DSTYK: variants seen among roughly 807,000 people sequenced by gnomAD.
DSTYK encodes dual serine/threonine and tyrosine protein kinase.
Under a neutral mutation model 98.7 loss-of-function variants are expected in DSTYK, and 34 were observed. The ratio of observed to expected loss-of-function variants is 0.34; its 90% confidence interval spans 0.26 to 0.46. The LOEUF is 0.46. DSTYK is among the 20% of genes least tolerant of loss of function. The probability of loss-of-function intolerance (pLI) is 1.00; values close to 1 mark genes in which losing one functional copy is unlikely to be tolerated. For missense variants in DSTYK, 962 were observed against 1,181.7 expected (o/e 0.81, Z 2.73); for synonymous variants, 462 against 457.3 (o/e 1.01, Z -0.13).
At chr1:205,202,067 G>T in intron 1 of DSTYK, 1 of 370,726 alleles carries the variant, frequency 2.7e-6, no homozygotes. Flanking sequence ...GGAAACTCGG[G>T]AAGGGGAGAG....
chr1:205,191,386 TG>T (rs1425105608), intron 1 of DSTYK, among the ~76,000 whole-genome samples: 1 of 152,222 alleles, frequency 6.6e-6, no homozygotes, highest in Non-Finnish European at 1.5e-5. Context: ...GAATGCAATA[TG>T]GAAGTGGGAA....
chr1:205,157,508 C>T, intron 9 of DSTYK, 122 bp from the exon 10 acceptor site: 1 of 719,210 alleles, frequency 1.4e-6, no homozygotes, highest in Non-Finnish European at 2.3e-6. Context: ...GGCACAGTGG[C>T]TCATGCCTGT....
In DSTYK at chr1:205,146,498, G is replaced by A. The variant is rs188223731; in HGVS notation, c.*1060C>T. ...ACTCTAAATCCAATAACTCCTGTGTGTATGTCTATATAGATAGAGATATAG... is the reference window on the plus strand; with the variant it reads ...ACTCTAAATCCAATAACTCCTGTGTATATGTCTATATAGATAGAGATATAG... On this transcript the variant is annotated 3_prime_UTR_variant, in exon 13 of 13. Coordinates refer to ENST00000367162, the MANE Select transcript of DSTYK (RefSeq NM_015375.3). 23 of 152,026 alleles carry A rather than the reference G, an allele frequency of 1.5e-4. No individual in the cohort carries two copies. Among genetic ancestry groups the A allele is most frequent in the African/African-American group, 5.1e-4 (21 of 41,466 alleles). 9.4% of individuals were successfully genotyped at this position (152,026 alleles called of 1,614,324 possible).
intron 3 of DSTYK, among the ~76,000 whole-genome samples, 163 bp from the exon 4 acceptor site, chr1:205,164,118 C>T (rs1657816396): frequency 6.6e-6 from 1 of 152,112 alleles, no homozygotes; most frequent in Non-Finnish European, 1.5e-5. Context: ...GATCAGGGGT[C>T]ACGTAACCCT....
chr1:205,186,439 C>T (rs956807627), intron 2 of DSTYK, among the ~76,000 whole-genome samples: 1 of 152,120 alleles, frequency 6.6e-6, no homozygotes, highest in African/African-American at 2.4e-5. Flanking sequence ...CAGGCCATGG[C>T]CACAACCAAA....
intron 10 of DSTYK, among the ~76,000 whole-genome samples, chr1:205,155,240 T>C (rs577822485): frequency 6.6e-6 from 1 of 151,500 alleles, no homozygotes. Context: ...CACCTTGGCC[T>C]CCCAAAGTGC....
chr1:205,205,097 C>T (rs775625796), intron 1 of DSTYK, among the ~76,000 whole-genome samples: 1 of 152,124 alleles, frequency 6.6e-6, no homozygotes, highest in African/African-American at 2.4e-5. Context: ...TAAGGTATTA[C>T]CTTAGAATAG....
At chr1:205,155,287 A>G (rs35077951) in intron 10 of DSTYK, among the ~76,000 whole-genome samples, 1 of 151,622 alleles carries the variant, frequency 6.6e-6, no homozygotes, top group Non-Finnish European at 1.5e-5. Context: ...CCCACCCCGG[A>G]AGAAATTTCT....
intron 2 of DSTYK, among the ~76,000 whole-genome samples, chr1:205,175,102 CTTT>C (rs1338416279): frequency 4.8e-5 from 6 of 125,668 alleles, no homozygotes; most frequent in Non-Finnish European, 1.0e-4. Context: ...AGAAGCTGCC[CTTT>C]TTTTTTTTTT....
chr1:205,190,044 T>C lies in DSTYK; in HGVS notation c.266-2238A>G, dbSNP rs918632907. Among the ~76,000 whole-genome samples, 14 of 152,322 alleles carry C rather than the reference T, an allele frequency of 9.2e-5. No individual in the cohort carries two copies. The East Asian group carries it at 2.5e-3, about 27-fold the overall frequency. On this transcript the variant is annotated intron_variant, in intron 1 of 12. Coordinates refer to ENST00000367162, the MANE Select transcript of DSTYK (RefSeq NM_015375.3). ...TCCTGAGTTCCTTCATACCTTATTCTCAACTGCAGAACACCTACCATGCTT... is the reference window on the plus strand; with the variant it reads ...TCCTGAGTTCCTTCATACCTTATTCCCAACTGCAGAACACCTACCATGCTT...
chr1:205,162,020 T>C lies in DSTYK; in HGVS notation c.1818+16A>G. 6.2e-7 allele frequency: 1 copy of C among 1,609,926 alleles called. No individual in the cohort carries two copies. The highest frequency in any genetic ancestry group is 1.1e-5 in the South Asian group (1 of 90,794). On this transcript the variant is annotated intron_variant, in intron 6 of 12. Coordinates refer to ENST00000367162, the MANE Select transcript of DSTYK (RefSeq NM_015375.3). ...CTCTGCTTGATCCAGCTGTATCTCC[T>C]TTCCTACATACCAACCTGCCGCAAG...
chr1:205,210,687 G>A (rs1005036213), intron 1 of DSTYK, among the ~76,000 whole-genome samples: 8 of 152,154 alleles, frequency 5.3e-5, no homozygotes, highest in African/African-American at 1.9e-4. Flanking sequence ...TGGCAATTCC[G>A]TGGCACCCAT....
At position 205,145,866 on chromosome 1, in the gene DSTYK, T is replaced by C. The variant is rs1657216219; in HGVS notation, c.*1692A>G. The C allele has an allele frequency of 6.6e-6, 1 of 152,362 alleles. No individual in the cohort carries two copies. Among genetic ancestry groups the C allele is most frequent in the Middle Eastern group, 3.4e-3 (1 of 294 alleles). 9.4% of individuals were successfully genotyped at this position (152,362 alleles called of 1,614,324 possible). A position where few individuals can be genotyped will look rare whatever the true frequency, so the allele number is the denominator to read the frequency against. On this transcript the variant is annotated 3_prime_UTR_variant, in exon 13 of 13. Transcript: ENST00000367162. Reference sequence around the variant, plus strand: ...TTCGGAATCTAATGGACCAGTTTGGTTGAGGAAGGCTTGAAGTCAAGTGCA... The same window carrying C: ...TTCGGAATCTAATGGACCAGTTTGGCTGAGGAAGGCTTGAAGTCAAGTGCA...
intron 2 of DSTYK, among the ~76,000 whole-genome samples, chr1:205,186,845 C>A (rs769050603): frequency 3.3e-5 from 5 of 152,206 alleles, no homozygotes; most frequent in Non-Finnish European, 5.9e-5. Flanking sequence ...ATAACAGGAT[C>A]TCCGCGTCTC....
rs1553361152 is a variant in DSTYK, at chr1:205,159,644, T to C, written c.2141A>G (p.His714Arg). 4 of 1,613,652 alleles carry C rather than the reference T, an allele frequency of 2.5e-6. No individual in the cohort carries two copies. The highest frequency in any genetic ancestry group is 2.2e-5 in the South Asian group (2 of 91,058). Residue 714 changes from histidine (H) to arginine (R), a missense_variant, in exon 9 of 13, where the codon CAT becomes CGT. His to Arg is a conservative substitution (Grantham distance 29, BLOSUM62 0). Coordinates refer to ENST00000367162, the MANE Select transcript of DSTYK (RefSeq NM_015375.3). ...ATAGTTGTAGTCAATGACTGAACCA[T>C]GGAGATCCACCAATCGCTCATGCTT... ...LPKHERLVDL[H>R]GSVIDYNYGG...
rs3851295 is a variant in DSTYK at position 205,150,853 on chromosome 1, C to T, written c.2353-59G>A. ...TCTGATCCTGCACACAGCACTGCTGCGTACCTAAGCTCAAAGGTAGGTACC... is the reference window on the plus strand; with the variant it reads ...TCTGATCCTGCACACAGCACTGCTGTGTACCTAAGCTCAAAGGTAGGTACC... On this transcript the variant is annotated intron_variant, in intron 10 of 12. Transcript: ENST00000367162. The surrounding 1 kb of genome is among the most constrained non-coding windows in gnomAD (Gnocchi z 4.1). The T allele has an allele frequency of 0.2, 259,408 of 1,323,296 alleles. 29,225 individuals carry two copies. The highest frequency in any genetic ancestry group is 0.44 in the East Asian group (19,198 of 43,434). 82.0% of individuals were successfully genotyped at this position (1,323,296 alleles called of 1,614,324 possible).
Position 205,170,253 on chromosome 1 carries a change from C to A in DSTYK, c.655-421G>T, listed in dbSNP as rs184127845. ...CTCCCCCTCTTGCTCTCCTCTGACA[C>A]CTCCATCCCTGCCATTCTGACCTGG... On this transcript the variant is annotated intron_variant, in intron 2 of 12. Coordinates refer to ENST00000367162, the MANE Select transcript of DSTYK (RefSeq NM_015375.3). Among the ~76,000 whole-genome samples, 55 of 152,236 alleles carry A rather than the reference C, an allele frequency of 3.6e-4. 3 individuals carry two copies. In the East Asian group the frequency reaches 0.01, roughly 29 times the overall value.
intron 8 of DSTYK, 116 bp from the exon 9 acceptor site, chr1:205,159,795 T>C (rs1657664919): frequency 1.9e-5 from 25 of 1,312,032 alleles, no homozygotes; most frequent in Non-Finnish European, 2.4e-5. Context: ...CCAGAGGTAA[T>C]GGCCCTCAGT....
At chr1:205,171,107 A>G (rs535798476) in intron 2 of DSTYK, among the ~76,000 whole-genome samples, 1 of 151,874 alleles carries the variant, frequency 6.6e-6, no homozygotes, top group Non-Finnish European at 1.5e-5. Flanking sequence ...ATCTGTTACA[A>G]TTGAACCTAA....
Sources: gnomAD v4.1 joint callset for allele counts (sites outside exome capture counted in the v4.1 genomes callset) on GRCh38, gnomAD v4.1.1 for gene constraint, Gnocchi (gnomAD v3.1) non-coding constraint, MANE v1.5 for transcripts, NCBI Gene and HGNC (gene_info 2026-07-23, HGNC 2026-07-21) for gene names.